LSM14B: variants seen among roughly 807,000 people sequenced by gnomAD.
The protein encoded by LSM14B is protein LSM14 homolog B.
In LSM14B, 8 loss-of-function variants were observed where a neutral mutation model predicts 42.1. That is an observed-to-expected ratio of 0.19 (90% CI 0.11 to 0.34). The LOEUF is 0.34. Ranked by LOEUF, LSM14B falls within the 10% of genes least tolerant of loss-of-function variation. The probability of loss-of-function intolerance (pLI) is 1.00; values close to 1 mark genes in which losing one functional copy is unlikely to be tolerated. For synonymous variants in LSM14B, 219 were observed against 209.7 expected, an observed-to-expected ratio of 1.04 and a Z score of -0.38; for missense variants, 396 against 513.1, an observed-to-expected ratio of 0.77 and a Z score of 2.21.
intron 3 of LSM14B, chr20:62,129,061 A>G (rs4925345): frequency 0.99 from 1,236,103 of 1,250,090 alleles, 612,291 homozygotes; most frequent in East Asian, 1. Context: ...TTTCCTCCTG[A>G]TTCAGAGGGC....
chr20:62,126,513 G>A, intron 3 of LSM14B, 74 bp downstream of exon 3: 1 of 1,555,402 alleles, frequency 6.4e-7, no homozygotes, highest in Admixed American at 1.7e-5. Context: ...GGAGCCTGAG[G>A]GTGGGGATAT....
At position 62,131,391 on chromosome 20, in the gene LSM14B, G is replaced by T. The variant is rs764354620; in HGVS notation, c.871G>T (p.Ala291Ser). ...KAEKGEEKDLAVVTQSAEAPA... is the reference protein window; with the variant it reads ...KAEKGEEKDLSVVTQSAEAPA... The stretch of plus-strand genomic sequence containing the variant: ...TGAGAAGGGGGAAGAGAAGGACCTG[G>T]CTGTGGTGACCCAGAGTGCCGAAGC... Residue 291 changes from alanine to serine, a missense_variant, in exon 7 of 9, where the codon GCT becomes TCT. Around this residue, in one of 3 missense-constraint regions of LSM14B, gnomAD observed 118 missense variants for 156.4 expected, o/e 0.75. Coordinates refer to ENST00000279068, the MANE Select transcript of LSM14B (RefSeq NM_144703.3). The T allele has an allele frequency of 1.9e-5, 31 of 1,611,170 alleles. No individual in the cohort carries two copies. Among genetic ancestry groups the T allele is most frequent in the Non-Finnish European group, 2.6e-5 (31 of 1,178,302 alleles).
intron 3 of LSM14B, chr20:62,127,666 ACTTGTC>A: frequency 6.4e-7 from 1 of 1,550,944 alleles, no homozygotes; most frequent in Non-Finnish European, 8.7e-7. Context: ...TCAGAGCTTG[ACTTGTC>A]CTCAGAGCCA....
chr20:62,127,738 A>G, intron 3 of LSM14B: 1 of 1,398,054 alleles, frequency 7.2e-7, no homozygotes, highest in Non-Finnish European at 9.9e-7. Flanking sequence ...GCTGTCTTGC[A>G]AACCATTCTG....
chr20:62,131,498 C>T lies in LSM14B; in HGVS notation c.978C>T (p.Leu326=). 6.2e-7 allele frequency: 1 copy of T among 1,613,270 alleles called. No individual in the cohort carries two copies. Among genetic ancestry groups the T allele is most frequent in the Non-Finnish European group, 8.5e-7 (1 of 1,179,884 alleles). ...TCTTCGACAACATCTCTTCTGAACT[C>T]AAGACCAGGTGAGAGGCTGAATGAA... ...KSFFDNISSE[L]KTSSRRTTWA... The change falls in exon 7 of 9, where the codon CTC becomes CTT. Residue 326 remains leucine, a synonymous_variant. Coordinates refer to ENST00000279068, the MANE Select transcript of LSM14B (RefSeq NM_144703.3).
intron 2 of LSM14B, among the ~76,000 whole-genome samples, chr20:62,125,068 A>G (rs561103089): frequency 1.3e-5 from 2 of 152,090 alleles, no homozygotes; most frequent in Non-Finnish European, 2.9e-5. Context: ...TTTAGTAGAG[A>G]CGGGGTTTCA....
In LSM14B at chr20:62,133,311, C is replaced by G. The variant is rs768071200; in HGVS notation, c.1008C>G (p.Ala336=). The part of the protein sequence containing the change: ...LKTSSRRTTW[A]EERKLNTETF... ...TTAGCTCCAGGCGGACGACGTGGGCCGAAGAGAGGAAGCTCAACACAGAGA... is the reference window on the plus strand; with the variant it reads ...TTAGCTCCAGGCGGACGACGTGGGCGGAAGAGAGGAAGCTCAACACAGAGA... Residue 336 remains alanine, a synonymous_variant, in exon 8 of 9, where the codon GCC becomes GCG. Coordinates refer to ENST00000279068, the MANE Select transcript of LSM14B (RefSeq NM_144703.3). The G allele has an allele frequency of 1.9e-6, 3 of 1,613,404 alleles. No homozygotes were observed. In the Middle Eastern group the frequency reaches 5.0e-4, roughly 266 times the overall value.
intron 3 of LSM14B, among the ~76,000 whole-genome samples, chr20:62,128,596 G>C (rs1568709364): frequency 6.6e-6 from 1 of 152,216 alleles, no homozygotes; most frequent in Non-Finnish European, 1.5e-5. Flanking sequence ...CTAGTTGGTT[G>C]TGTAAAAAGC....
At chr20:62,126,518 G>T (rs1342560818) in intron 3 of LSM14B, 79 bp downstream of exon 3, 4 of 1,535,678 alleles carry the variant, frequency 2.6e-6, no homozygotes, top group Non-Finnish European at 3.5e-6. Context: ...CTGAGGGTGG[G>T]GATATGCATT....
intron 3 of LSM14B, among the ~76,000 whole-genome samples, chr20:62,128,454 C>A (rs2056667824): frequency 6.6e-6 from 1 of 152,216 alleles, no homozygotes; most frequent in Non-Finnish European, 1.5e-5. Flanking sequence ...CTTTCCAAAT[C>A]CTGCATGCAC....
At chr20:62,125,099 TCAATCTCTTGACCTTGTGATGCACCCG>T (rs1335144988) in intron 2 of LSM14B, among the ~76,000 whole-genome samples, 3 of 152,212 alleles carry the variant, frequency 2.0e-5, no homozygotes, top group Non-Finnish European at 4.4e-5. Flanking sequence ...CAGGATGGTC[TCAATCTCTTGACCTTGTGATGCACCCG>T]CCTTGGCCTC....
intron 2 of LSM14B, among the ~76,000 whole-genome samples, chr20:62,125,371 C>T (rs1274897821): frequency 6.6e-6 from 1 of 152,130 alleles, no homozygotes; most frequent in Non-Finnish European, 1.5e-5. Context: ...AGTGGATGCT[C>T]CTGGACCTGT....
chr20:62,122,757 A>G lies in LSM14B; in HGVS notation c.91A>G (p.Ile31Val). The change falls in exon 1 of 9, where the codon ATC becomes GTC. Residue 31 changes from isoleucine to valine, a missense_variant. Physicochemically the swap from Ile to Val is conservative, Grantham distance 29. Coordinates refer to ENST00000279068, the MANE Select transcript of LSM14B (RefSeq NM_144703.3). This position sits in a 1 kb window ranked among gnomAD's most constrained non-coding sequence, Gnocchi z 4.6. Reference protein sequence around the residue: ...QIRYEGILYTIDTDNSTVALA... With the variant: ...QIRYEGILYTVDTDNSTVALA... Reference sequence around the variant, plus strand: ...CCGCTACGAGGGCATTCTCTACACCATCGACACCGACAACTCCACCGTGGC... The same window carrying G: ...CCGCTACGAGGGCATTCTCTACACCGTCGACACCGACAACTCCACCGTGGC... The G allele has an allele frequency of 6.6e-7, 1 of 1,514,964 alleles. No homozygotes were observed. Among genetic ancestry groups the G allele is most frequent in the Non-Finnish European group, 8.9e-7 (1 of 1,126,628 alleles). 93.8% of individuals were successfully genotyped at this position (1,514,964 alleles called of 1,614,324 possible).
At chr20:62,127,453 TAA>T in intron 3 of LSM14B, 1 of 662,948 alleles carries the variant, frequency 1.5e-6, no homozygotes, top group Non-Finnish European at 2.6e-6. Context: ...TCTGGGTTTC[TAA>T]AACGTGTTTG....
chr20:62,130,335 T>TG lies in LSM14B; in HGVS notation c.673+40dup. The TG allele has an allele frequency of 1.3e-6, 2 of 1,561,324 alleles. No individual in the cohort carries two copies. Among genetic ancestry groups the TG allele is most frequent in the Middle Eastern group, 1.7e-4 (1 of 5,998 alleles). On this transcript the variant is annotated intron_variant, in intron 5 of 8. Transcript: ENST00000279068. This position sits in a 1 kb window ranked among gnomAD's most constrained non-coding sequence, Gnocchi z 4.1. ...CCACTTGATTTCTGGGGACCACGAG[T>TG]GATCAGGCTGAGCTCTGCTTGCCCT...
At chr20:62,128,319 G>GT (rs1294486996) in intron 3 of LSM14B, among the ~76,000 whole-genome samples, 1 of 152,196 alleles carries the variant, frequency 6.6e-6, no homozygotes, top group Non-Finnish European at 1.5e-5. Flanking sequence ...CTTGCTGTAT[G>GT]TTTGTGTTAC....
intron 1 of LSM14B, among the ~76,000 whole-genome samples, chr20:62,123,901 G>A (rs965490): frequency 0.66 from 100,266 of 152,096 alleles, 36,214 homozygotes; most frequent in Non-Finnish European, 0.8. Flanking sequence ...TTACAGGAGA[G>A]CCCAGTTAGA....
chr20:62,131,514 G>C lies in LSM14B; in HGVS notation c.986+8G>C, dbSNP rs375973339. 2.4e-5 allele frequency: 39 copies of C among 1,611,982 alleles called. No individual in the cohort carries two copies. The highest frequency in any genetic ancestry group is 3.2e-5 in the Non-Finnish European group (38 of 1,179,858). Reference sequence around the variant, plus strand: ...TTCTGAACTCAAGACCAGGTGAGAGGCTGAATGAATGAGGGGAGGACAGTC... The same window carrying C: ...TTCTGAACTCAAGACCAGGTGAGAGCCTGAATGAATGAGGGGAGGACAGTC... On this transcript the variant is annotated splice_region_variant and intron_variant, in intron 7 of 8. Transcript: ENST00000279068.
intron 2 of LSM14B, 48 bp from the exon 3 acceptor site, chr20:62,126,256 G>A (rs1173327783): frequency 6.2e-7 from 1 of 1,613,358 alleles, no homozygotes; most frequent in Non-Finnish European, 8.5e-7. Context: ...AGGCGTGCGG[G>A]GTGATGGGAT....
Sources: allele counts gnomAD v4.1 joint callset (sites outside exome capture counted in the v4.1 genomes callset), GRCh38; gene constraint gnomAD v4.1.1; regional missense constraint gnomAD v4.1.1; non-coding constraint Gnocchi (gnomAD v3.1); transcripts MANE v1.5; gene names NCBI Gene and HGNC (gene_info 2026-07-23, HGNC 2026-07-21).